Variants in NRXN3 observed in about 807,000 individuals in gnomAD.
NRXN3 encodes the protein neurexin III.
Under a neutral mutation model 137.6 loss-of-function variants are expected in NRXN3, and 32 were observed. The ratio of observed to expected loss-of-function variants is 0.23; its 90% CI spans 0.18 to 0.31. The LOEUF is 0.31. Ranked by LOEUF, NRXN3 falls within the 10% of genes least tolerant of loss-of-function variation. The pLI, the probability that NRXN3 is intolerant of heterozygous loss-of-function variation, is 1.00. For synonymous variants in NRXN3, 798 were observed against 784.5 expected, an observed-to-expected ratio of 1.02 and a Z score of -0.29; for missense variants, 1,574 against 2,062.5, an observed-to-expected ratio of 0.76 and a Z score of 4.59.
intron 4 of NRXN3, among the ~76,000 whole-genome samples, chr14:78,394,754 C>G (rs913140061): frequency 1.3e-5 from 2 of 151,768 alleles, no homozygotes; most frequent in Non-Finnish European, 3.0e-5. Context: ...AGTTATGTAG[C>G]TATTCAAATG....
chr14:79,442,129 G>A (rs2095974271), intron 15 of NRXN3, among the ~76,000 whole-genome samples: 1 of 152,102 alleles, frequency 6.6e-6, no homozygotes, highest in African/African-American at 2.4e-5. Context: ...CTTGTGTAAT[G>A]ACAGAACAAG....
intron 8 of NRXN3, among the ~76,000 whole-genome samples, chr14:78,754,372 C>G (rs539086596): frequency 2.0e-5 from 3 of 152,324 alleles, no homozygotes; most frequent in African/African-American, 4.8e-5. Flanking sequence ...TCTCCTCACT[C>G]CCAGCCACAC....
chr14:78,228,399 G>A (rs954329472), intron 1 of NRXN3, among the ~76,000 whole-genome samples: 1 of 152,012 alleles, frequency 6.6e-6, no homozygotes, highest in African/African-American at 2.4e-5. Flanking sequence ...CAAGTGATCT[G>A]CCTGCTTTGG....
chr14:79,320,861 A>C (rs1351859890), intron 15 of NRXN3, among the ~76,000 whole-genome samples: 4 of 151,194 alleles, frequency 2.6e-5, no homozygotes, highest in Non-Finnish European at 4.4e-5. Context: ...TTTTTTTAAC[A>C]GCATTTCTTG....
chr14:78,513,836 G>C (rs984077279), intron 4 of NRXN3, among the ~76,000 whole-genome samples: 18 of 152,090 alleles, frequency 1.2e-4, no homozygotes, highest in African/African-American at 4.3e-4. Flanking sequence ...CTGACATGCA[G>C]AAAGCTTACT....
chr14:79,132,433 C>T (rs1399414734), intron 15 of NRXN3, among the ~76,000 whole-genome samples: 3 of 152,078 alleles, frequency 2.0e-5, no homozygotes, highest in South Asian at 4.1e-4. Context: ...TAAAATAGCA[C>T]ATTTACAATT....
chr14:79,672,878 A>G (rs949413067), intron 17 of NRXN3, among the ~76,000 whole-genome samples: 1 of 152,088 alleles, frequency 6.6e-6, no homozygotes, highest in Non-Finnish European at 1.5e-5. Context: ...ACAAGGTTGC[A>G]GAGTCTCTCT....
At chr14:78,294,466 G>A (rs1418795141) in intron 3 of NRXN3, among the ~76,000 whole-genome samples, 1 of 147,822 alleles carries the variant, frequency 6.8e-6, no homozygotes, top group Non-Finnish European at 1.5e-5. Flanking sequence ...TGAGGCAGGA[G>A]AATCACTTGA....
At chr14:79,100,885 A>C (rs2051159703) in intron 15 of NRXN3, among the ~76,000 whole-genome samples, 1 of 152,136 alleles carries the variant, frequency 6.6e-6, no homozygotes, top group South Asian at 2.1e-4. Flanking sequence ...GCTCCCAGGG[A>C]TCATTCTTTT....
At chr14:79,819,777 C>T (rs753495642) in intron 20 of NRXN3, among the ~76,000 whole-genome samples, 5 of 151,650 alleles carry the variant, frequency 3.3e-5, no homozygotes, top group Non-Finnish European at 7.3e-5. Context: ...GCCACCGCAC[C>T]CGGCCCTAAA....
intron 4 of NRXN3, among the ~76,000 whole-genome samples, chr14:78,570,671 A>G (rs1433300380): frequency 6.6e-6 from 1 of 152,202 alleles, no homozygotes; most frequent in Non-Finnish European, 1.5e-5. Flanking sequence ...GTCAAGGGCT[A>G]TGTTGAGTGT....
intron 1 of NRXN3, among the ~76,000 whole-genome samples, chr14:78,239,571 ACCT>A (rs1328404599): frequency 6.6e-6 from 1 of 151,820 alleles, no homozygotes; most frequent in East Asian, 1.9e-4. Context: ...AACAGCACCT[ACCT>A]CCTGCTGTTC....
At chr14:78,567,574 C>T (rs2096847843) in intron 4 of NRXN3, among the ~76,000 whole-genome samples, 1 of 152,140 alleles carries the variant, frequency 6.6e-6, no homozygotes, top group African/African-American at 2.4e-5. Flanking sequence ...ATGGGGCTCC[C>T]CCAGCCAGTG....
chr14:78,922,369 T>G (rs2099273018), intron 10 of NRXN3, among the ~76,000 whole-genome samples: 1 of 152,214 alleles, frequency 6.6e-6, no homozygotes, highest in Non-Finnish European at 1.5e-5. Flanking sequence ...CTTTGAGAAC[T>G]TTTTGAATTA....
At chr14:78,340,986 T>A (rs1045474105) in intron 4 of NRXN3, among the ~76,000 whole-genome samples, 2 of 152,198 alleles carry the variant, frequency 1.3e-5, no homozygotes, top group Admixed American at 1.3e-4. Flanking sequence ...CTCGGTTAAA[T>A]GTGAATTTCA....
intron 20 of NRXN3, among the ~76,000 whole-genome samples, chr14:79,847,494 T>TC (rs1032697225): frequency 6.6e-6 from 1 of 152,100 alleles, no homozygotes; most frequent in African/African-American, 2.4e-5. Context: ...AAGTCACTTG[T>TC]CCCCCATGCC....
chr14:79,475,603 T>C (rs944780992), intron 16 of NRXN3, among the ~76,000 whole-genome samples: 1 of 152,108 alleles, frequency 6.6e-6, no homozygotes, highest in Non-Finnish European at 1.5e-5. Context: ...TTAGGTTTTC[T>C]ACTCATTATG....
At chr14:79,613,375 A>G (rs949383135) in intron 16 of NRXN3, among the ~76,000 whole-genome samples, 3 of 152,334 alleles carry the variant, frequency 2.0e-5, no homozygotes, top group South Asian at 2.1e-4. Context: ...TCAGATCTCA[A>G]TCAATGGTTC....
intron 16 of NRXN3, among the ~76,000 whole-genome samples, chr14:79,607,255 TATACC>T (rs1294418316): frequency 6.6e-6 from 1 of 152,220 alleles, no homozygotes; most frequent in Non-Finnish European, 1.5e-5. Context: ...TAAAGCTGAG[TATACC>T]AGACACTTGT....
Sources: allele counts gnomAD v4.1 joint callset (sites outside exome capture counted in the v4.1 genomes callset), GRCh38; gene constraint gnomAD v4.1.1; transcripts MANE v1.5; gene names NCBI Gene and HGNC (gene_info 2026-07-23, HGNC 2026-07-21).